The following CNTNAP4 variants were observed in gnomAD, a reference collection of about 807,000 sequenced individuals.
CNTNAP4 encodes contactin associated protein family member 4.
A neutral mutation model predicts 148.4 loss-of-function variants in CNTNAP4; 98 were observed. That is an observed-to-expected ratio of 0.66 (90% CI 0.56 to 0.78). The LOEUF (loss-of-function observed/expected upper bound fraction) is 0.78. CNTNAP4 is among the 30% of genes least tolerant of loss of function. The probability of loss-of-function intolerance (pLI) is 0.00; values close to 1 mark genes in which losing one functional copy is unlikely to be tolerated. For missense variants in CNTNAP4, 1,935 were observed against 1,565.6 expected (o/e 1.24, Z -3.98); for synonymous variants, 730 against 565.1 (o/e 1.29, Z -4.14).
chr16:76,358,503 G>A (rs1214073733), intron 3 of CNTNAP4, among the ~76,000 whole-genome samples: 1 of 152,152 alleles, frequency 6.6e-6, no homozygotes, highest in East Asian at 1.9e-4. Flanking sequence ...AAAGTAGTAA[G>A]GCTTACATAG....
At chr16:76,384,334 G>A (rs575535769) in intron 3 of CNTNAP4, among the ~76,000 whole-genome samples, 2 of 151,962 alleles carry the variant, frequency 1.3e-5, no homozygotes, top group Admixed American at 6.6e-5. Context: ...GAGCCACCGC[G>A]CCCAGCCAAG....
chr16:76,321,717 A>G (rs1238152277), intron 2 of CNTNAP4, among the ~76,000 whole-genome samples: 2 of 143,046 alleles, frequency 1.4e-5, no homozygotes, highest in Non-Finnish European at 3.0e-5. Flanking sequence ...TGAACCCGGG[A>G]GGTGGAGGTT....
chr16:76,302,649 T>G (rs1353645895), intron 1 of CNTNAP4, among the ~76,000 whole-genome samples: 1 of 152,178 alleles, frequency 6.6e-6, no homozygotes. Context: ...CCTCAATTAA[T>G]TAATTACATC....
At chr16:76,437,491 C>G (rs1161743877) in intron 4 of CNTNAP4, among the ~76,000 whole-genome samples, 1 of 152,104 alleles carries the variant, frequency 6.6e-6, no homozygotes, top group African/African-American at 2.4e-5. Context: ...TGAAGAGGCT[C>G]TCACTGACCA....
intron 2 of CNTNAP4, among the ~76,000 whole-genome samples, chr16:76,322,576 T>A (rs1962536916): frequency 6.6e-6 from 1 of 152,174 alleles, no homozygotes; most frequent in African/African-American, 2.4e-5. Flanking sequence ...AAACTTTAAT[T>A]TCCTACGGGA....
chr16:76,286,709 A>G (rs919130290), intron 1 of CNTNAP4, among the ~76,000 whole-genome samples: 4 of 152,214 alleles, frequency 2.6e-5, no homozygotes, highest in African/African-American at 9.6e-5. Context: ...AACAAAGTTG[A>G]ACATTTTTTC....
intron 3 of CNTNAP4, among the ~76,000 whole-genome samples, chr16:76,365,087 G>A (rs1437758872): frequency 6.6e-6 from 1 of 152,106 alleles, no homozygotes; most frequent in Non-Finnish European, 1.5e-5. Flanking sequence ...TCAGCTTTCT[G>A]CATACGGCTA....
intron 15 of CNTNAP4, among the ~76,000 whole-genome samples, chr16:76,520,301 C>T (rs971831814): frequency 3.3e-5 from 5 of 151,974 alleles, no homozygotes; most frequent in Non-Finnish European, 7.4e-5. Flanking sequence ...ATATATGGTT[C>T]ATAATATTTT....
intron 3 of CNTNAP4, among the ~76,000 whole-genome samples, chr16:76,381,348 CA>C (rs968017008): frequency 2.0e-5 from 3 of 152,134 alleles, no homozygotes; most frequent in African/African-American, 7.2e-5. Flanking sequence ...TGCCCCCTCC[CA>C]CCCCAGTGTT....
chr16:76,489,584 A>G (rs2082137704), intron 12 of CNTNAP4, 102 bp from the exon 13 acceptor site: 1 of 602,576 alleles, frequency 1.7e-6, no homozygotes, highest in African/African-American at 1.9e-5. Context: ...GACTAGAAAC[A>G]TTTGACTCAG....
chr16:76,558,701 A>G lies in CNTNAP4; in HGVS notation c.*18A>G, dbSNP rs1299769746. 6 of 1,571,054 alleles carry G rather than the reference A, an allele frequency of 3.8e-6. No homozygotes were observed. Among genetic ancestry groups the G allele is most frequent in the Non-Finnish European group, 4.3e-6 (5 of 1,151,688 alleles). Reference sequence around the variant, plus strand: ...TCTTCTGATTGGCAGCTATGATTTAACATAAAATTATGATAGTTTGTTTTA... The same window carrying G: ...TCTTCTGATTGGCAGCTATGATTTAGCATAAAATTATGATAGTTTGTTTTA... On this transcript the variant is annotated 3_prime_UTR_variant, in exon 24 of 24. Coordinates refer to ENST00000611870, the MANE Select transcript of CNTNAP4 (RefSeq NM_033401.5).
intron 2 of CNTNAP4, among the ~76,000 whole-genome samples, chr16:76,323,867 G>A (rs894247057): frequency 6.6e-6 from 1 of 152,076 alleles, no homozygotes; most frequent in African/African-American, 2.4e-5. Context: ...CTGAAATCAG[G>A]GAAACTAGAT....
chr16:76,460,116 T>C (rs1229071155), intron 8 of CNTNAP4, among the ~76,000 whole-genome samples: 12 of 152,146 alleles, frequency 7.9e-5, no homozygotes, highest in Non-Finnish European at 1.5e-4. Context: ...TGTTTGTTTG[T>C]TTTGTTCTGA....
chr16:76,471,425 A>T (rs2081369389), intron 10 of CNTNAP4, among the ~76,000 whole-genome samples: 1 of 152,198 alleles, frequency 6.6e-6, no homozygotes. Flanking sequence ...AGGAACTAAG[A>T]GGCTGTTGAG....
At chr16:76,282,634 T>C (rs998207689) in intron 1 of CNTNAP4, among the ~76,000 whole-genome samples, 4 of 151,918 alleles carry the variant, frequency 2.6e-5, no homozygotes, top group Non-Finnish European at 5.9e-5. Context: ...AAATAGATTT[T>C]CATTTAAGCA....
At chr16:76,444,790 A>G (rs557630577) in intron 4 of CNTNAP4, among the ~76,000 whole-genome samples, 52 of 152,244 alleles carry the variant, frequency 3.4e-4, no homozygotes, top group African/African-American at 1.2e-3. Flanking sequence ...GTTTCTATAT[A>G]TTAAATGTGT....
intron 17 of CNTNAP4, among the ~76,000 whole-genome samples, chr16:76,527,963 TA>T (rs1454195646): frequency 5.3e-5 from 8 of 152,182 alleles, no homozygotes; most frequent in African/African-American, 1.9e-4. Flanking sequence ...TAGATGATGT[TA>T]TTTTTCCAGC....
intron 2 of CNTNAP4, among the ~76,000 whole-genome samples, chr16:76,336,027 T>G (rs1237632094): frequency 1.3e-5 from 2 of 152,072 alleles, no homozygotes; most frequent in Non-Finnish European, 2.9e-5. Flanking sequence ...ACTCCAGGGT[T>G]GATGGAAAGG....
intron 3 of CNTNAP4, among the ~76,000 whole-genome samples, chr16:76,410,769 T>G (rs74026765): frequency 0.021 from 3,182 of 151,800 alleles, 108 homozygotes; most frequent in African/African-American, 0.074. Context: ...CATTTCTCTG[T>G]GTGTCCTAAA....
Sources: allele counts gnomAD v4.1 joint callset (sites outside exome capture counted in the v4.1 genomes callset), GRCh38; gene constraint gnomAD v4.1.1; transcripts MANE v1.5; gene names NCBI Gene and HGNC (gene_info 2026-07-23, HGNC 2026-07-21).